Variants in PIK3R3 observed in about 807,000 individuals in gnomAD.
The protein encoded by PIK3R3 is phosphatidylinositol 3-kinase regulatory subunit gamma.
PIK3R3 carries 64 observed loss-of-function variants against 62.9 expected under a neutral mutation model. The observed-to-expected ratio is 1.02, with a 90% CI of 0.83 to 1.25. PIK3R3 has a LOEUF of 1.25. Ranked by LOEUF, PIK3R3 falls within the 50% of genes most tolerant of loss-of-function variation. The probability of loss-of-function intolerance (pLI) is 0.00; values close to 1 mark genes in which losing one functional copy is unlikely to be tolerated. For synonymous variants in PIK3R3, 165 were observed against 189.0 expected (o/e 0.87, Z 1.04); for missense variants, 614 against 561.6 (o/e 1.09, Z -0.94).
rs984045540 is a variant in PIK3R3 at position 46,041,755 on chromosome 1, G to A, written c.*1918C>T. The A allele has an allele frequency of 4.4e-5, 9 of 203,812 alleles. No homozygotes were observed. Among genetic ancestry groups the A allele is most frequent in the Non-Finnish European group, 8.1e-5 (8 of 99,060 alleles). 12.6% of individuals were successfully genotyped at this position (203,812 alleles called of 1,614,324 possible). On this transcript the variant is annotated 3_prime_UTR_variant, in exon 10 of 10. Coordinates refer to ENST00000262741, the MANE Select transcript of PIK3R3 (RefSeq NM_003629.4). ...TGGGGAAGGGATGTGCTGGCTATTA[G>A]TTAAATGACTTTAGAGGGGGGTTCA...
intron 1 of PIK3R3, among the ~76,000 whole-genome samples, chr1:46,124,271 C>T (rs1422841195): frequency 6.6e-6 from 1 of 152,066 alleles, no homozygotes; most frequent in Non-Finnish European, 1.5e-5. Flanking sequence ...AAAACAGATG[C>T]ACAGAGAGGT....
the PIK3R3 span, among the ~76,000 whole-genome samples, chr1:46,139,240 C>T: frequency 7.2e-5 from 11 of 152,210 alleles, no homozygotes; most frequent in South Asian, 2.3e-3. Flanking sequence ...TATTTCTGCC[C>T]TTTATGAACC....
intron 3 of PIK3R3, among the ~76,000 whole-genome samples, chr1:46,071,610 C>T (rs1649489900): frequency 6.7e-6 from 1 of 148,462 alleles, no homozygotes. Flanking sequence ...AGGAGAATCA[C>T]TTGAACCTGG....
At chr1:46,058,601 A>G (rs1484224041) in intron 6 of PIK3R3, among the ~76,000 whole-genome samples, 2 of 152,160 alleles carry the variant, frequency 1.3e-5, no homozygotes, top group East Asian at 3.9e-4. Context: ...GTCAAAGGAG[A>G]CCATTTTGGA....
At chr1:46,131,602 G>A in intron 1 of PIK3R3, 1 of 530,772 alleles carries the variant, frequency 1.9e-6, no homozygotes, top group Non-Finnish European at 3.5e-6. Flanking sequence ...TTTTAAAAAG[G>A]GGTCTCTCCT....
At chr1:46,140,048 G>C in the PIK3R3 span, among the ~76,000 whole-genome samples, 1 of 152,192 alleles carries the variant, frequency 6.6e-6, no homozygotes, top group Non-Finnish European at 1.5e-5. Context: ...GAATGCACTG[G>C]TGTGATCATG....
In PIK3R3 at chr1:46,041,882, T is replaced by C. The variant is rs998744323; in HGVS notation, c.*1791A>G. ...CCTCGTCACTAGTAACTGGAGGTTT[T>C]TCCAAAATTAAAAATCTGTGTCTAC... is the stretch of plus-strand genomic sequence containing the variant. On this transcript the variant is annotated 3_prime_UTR_variant, in exon 10 of 10. Transcript: ENST00000262741. 3 of 214,476 alleles carry C rather than the reference T, an allele frequency of 1.4e-5. No individual in the cohort carries two copies. The highest frequency in any genetic ancestry group is 6.8e-5 in the African/African-American group (3 of 44,288). 13.3% of individuals were successfully genotyped at this position (214,476 alleles called of 1,614,324 possible).
In PIK3R3 at chr1:46,055,875, G is replaced by A. The variant is rs948020028; in HGVS notation, c.861C>T (p.Asp287=). 1.2e-6 allele frequency: 2 copies of A among 1,610,940 alleles called. No homozygotes were observed. Among genetic ancestry groups the A allele is most frequent in the Non-Finnish European group, 1.7e-6 (2 of 1,178,410 alleles). Residue 287 remains aspartate, a synonymous_variant, in exon 7 of 10, where the codon GAC becomes GAT. Transcript: ENST00000262741. ...TCATTTTTTTATCTATTTCTCGGTT[G>A]TCCAAAGCTTGATTCTTCAAATCCT... ...LEQDLKNQAL[D]NREIDKKMNS... is the part of the protein sequence containing the mutation.
intron 1 of PIK3R3, among the ~76,000 whole-genome samples, chr1:46,126,213 A>G (rs1361875812): frequency 6.6e-6 from 1 of 152,018 alleles, no homozygotes; most frequent in Non-Finnish European, 1.5e-5. Context: ...ATCTCAGTAG[A>G]CTCAATGCAG....
At chr1:46,155,522 A>G in the PIK3R3 span, among the ~76,000 whole-genome samples, 2 of 151,966 alleles carry the variant, frequency 1.3e-5, no homozygotes, top group Admixed American at 6.6e-5. Flanking sequence ...TCTCAGCTCA[A>G]TGCAGCCTCA....
intron 3 of PIK3R3, among the ~76,000 whole-genome samples, chr1:46,067,799 T>A (rs1210981516): frequency 6.6e-6 from 1 of 152,238 alleles, no homozygotes; most frequent in Non-Finnish European, 1.5e-5. Context: ...GTATATTAGA[T>A]GAATGTAATT....
At chr1:46,147,481 G>A in the PIK3R3 span, among the ~76,000 whole-genome samples, 3 of 151,870 alleles carry the variant, frequency 2.0e-5, no homozygotes, top group South Asian at 2.1e-4. Context: ...GCAGTGGTGC[G>A]ATCTCGGCTC....
the PIK3R3 span, among the ~76,000 whole-genome samples, chr1:46,160,964 G>T: frequency 6.6e-6 from 1 of 152,140 alleles, no homozygotes; most frequent in African/African-American, 2.4e-5. Flanking sequence ...CCGCATCAAT[G>T]TAGTTAAGGA....
rs1655726161 is a variant in PIK3R3, at chr1:46,132,624, C to G, written c.-672G>C. 17 of 1,289,616 alleles carry G rather than the reference C, an allele frequency of 1.3e-5. No individual in the cohort carries two copies. In the South Asian group the frequency reaches 2.1e-4, roughly 16 times the overall value. 79.9% of individuals were successfully genotyped at this position (1,289,616 alleles called of 1,614,324 possible). ...CGACCGCACCAACTGCCCTCAAGCTCTGCCCGGACTCCAGCCACTAGAGTT... is the reference window on the plus strand; with the variant it reads ...CGACCGCACCAACTGCCCTCAAGCTGTGCCCGGACTCCAGCCACTAGAGTT... On this transcript the variant is annotated 5_prime_UTR_variant, in exon 1 of 10. Coordinates refer to ENST00000262741, the MANE Select transcript of PIK3R3 (RefSeq NM_003629.4).
At chr1:46,073,010 T>C (rs1207744954) in intron 3 of PIK3R3, among the ~76,000 whole-genome samples, 1 of 151,856 alleles carries the variant, frequency 6.6e-6, no homozygotes, top group East Asian at 1.9e-4. Flanking sequence ...TTACCCAGTA[T>C]CAGGCACTAA....
At position 46,055,779 on chromosome 1, in the gene PIK3R3, C is replaced by G. The variant is rs149950541; in HGVS notation, c.941+16G>C. On this transcript the variant is annotated intron_variant, in intron 7 of 9. Transcript: ENST00000262741. ...GCACTAACGTCTCCCTCCCCATACA[C>G]TCCCAGACTACTTACACAAGGTGTT... is the stretch of plus-strand genomic sequence containing the variant. The G allele has an allele frequency of 2.5e-4, 398 of 1,561,796 alleles. 3 individuals carry two copies. Among genetic ancestry groups the G allele is most frequent in the Middle Eastern group, 2.2e-3 (13 of 5,822 alleles).
the PIK3R3 span, among the ~76,000 whole-genome samples, chr1:46,149,050 A>G: frequency 6.6e-6 from 1 of 152,172 alleles, no homozygotes; most frequent in Non-Finnish European, 1.5e-5. Flanking sequence ...AAAACCCATC[A>G]AAACCAAGAT....
intron 1 of PIK3R3, among the ~76,000 whole-genome samples, chr1:46,122,587 C>A (rs1654772241): frequency 6.6e-6 from 1 of 152,024 alleles, no homozygotes; most frequent in Non-Finnish European, 1.5e-5. Flanking sequence ...AGGCTGGTCT[C>A]GAACTCCTGA....
intron 1 of PIK3R3, among the ~76,000 whole-genome samples, chr1:46,128,002 AGTT>A (rs1213611431): frequency 1.3e-5 from 2 of 152,240 alleles, no homozygotes; most frequent in African/African-American, 4.8e-5. Context: ...CAATCCATGC[AGTT>A]ATTAGGAACC....
Sources: allele counts gnomAD v4.1 joint callset (sites outside exome capture counted in the v4.1 genomes callset), GRCh38; gene constraint gnomAD v4.1.1; transcripts MANE v1.5; gene names NCBI Gene and HGNC (gene_info 2026-07-23, HGNC 2026-07-21).